The following TSPAN12 variants were observed in gnomAD, a reference collection of about 807,000 sequenced individuals.
The protein encoded by TSPAN12 is tetraspanin-12.
In TSPAN12, 19 loss-of-function variants were observed where a neutral mutation model predicts 39.2. That is an observed-to-expected ratio of 0.49 (90% CI 0.34 to 0.71). The LOEUF (loss-of-function observed/expected upper bound fraction) is 0.71, where lower values mean the gene tolerates loss of function less well. TSPAN12 is among the 30% of genes least tolerant of loss of function. The pLI is 0.01. For missense variants in TSPAN12, 314 were observed against 359.9 expected (o/e 0.87, Z 1.03); for synonymous variants, 119 against 124.8 (o/e 0.95, Z 0.31).
intron 2 of TSPAN12, among the ~76,000 whole-genome samples, chr7:120,854,625 G>C (rs1397853936): frequency 1.3e-5 from 2 of 152,126 alleles, no homozygotes; most frequent in Non-Finnish European, 2.9e-5. Context: ...TTTTGTTTTT[G>C]TTGTTGTTAT....
chr7:120,826,247 CT>C (rs1794283939), intron 4 of TSPAN12, among the ~76,000 whole-genome samples: 1 of 152,120 alleles, frequency 6.6e-6, no homozygotes, highest in Non-Finnish European at 1.5e-5. Flanking sequence ...GATGTTCAAA[CT>C]ACTAGACAGA....
At chr7:120,793,877 G>T (rs973616753) in intron 7 of TSPAN12, among the ~76,000 whole-genome samples, 1 of 152,106 alleles carries the variant, frequency 6.6e-6, no homozygotes, top group South Asian at 2.1e-4. Context: ...ATTTTTTCTC[G>T]ATAAAGTAGT....
At chr7:120,813,046 G>A (rs1031510248) in intron 5 of TSPAN12, among the ~76,000 whole-genome samples, 6 of 152,112 alleles carry the variant, frequency 3.9e-5, no homozygotes, top group Admixed American at 1.3e-4. Flanking sequence ...AGAAAACAGA[G>A]GAGACCATTG....
chr7:120,832,118 C>T (rs1794401430), intron 4 of TSPAN12, among the ~76,000 whole-genome samples: 1 of 151,952 alleles, frequency 6.6e-6, no homozygotes, highest in South Asian at 2.1e-4. Flanking sequence ...TCATGTAATG[C>T]TTTATCCATA....
At position 120,815,808 on chromosome 7, in the gene TSPAN12, A is replaced by G; in HGVS notation, c.286-5T>C. ...GACAAGCAAACTTCCAAAGTACTGT[A>G]GAAAAACAGAAAAGTATGCTGTTAT... On this transcript the variant is annotated splice_polypyrimidine_tract_variant and splice_region_variant and intron_variant, in intron 4 of 7. Coordinates refer to ENST00000222747, the MANE Select transcript of TSPAN12 (RefSeq NM_012338.4). 4 of 1,610,358 alleles carry G rather than the reference A, an allele frequency of 2.5e-6. No individual in the cohort carries two copies. The South Asian group carries it at 3.3e-5, about 13-fold the overall frequency.
Position 120,806,633 on chromosome 7 carries a change from C to T in TSPAN12, c.528G>A (p.Trp176Ter). The T allele has an allele frequency of 6.2e-7, 1 of 1,613,508 alleles. No homozygotes were observed. Among genetic ancestry groups the T allele is most frequent in the Non-Finnish European group, 8.5e-7 (1 of 1,179,624 alleles). The change falls in exon 7 of 8, where the codon TGG becomes TGA. Residue 176 changes from tryptophan (W) to a stop codon, truncating the protein, a stop_gained. Coordinates refer to ENST00000222747, the MANE Select transcript of TSPAN12 (RefSeq NM_012338.4). LOFTEE classifies it high-confidence loss of function. Reference protein sequence around the residue: ...TDWLEMTEMDWPPDSCCVREF... With the variant: ...TDWLEMTEMD ...CTCTAACACAGCAGGAATCTGGGGG[C>T]CAGTCCATCTCTGTCATTTCCAACC...
At chr7:120,829,752 G>A (rs919701961) in intron 4 of TSPAN12, among the ~76,000 whole-genome samples, 1 of 152,078 alleles carries the variant, frequency 6.6e-6, no homozygotes, top group Admixed American at 6.6e-5. Flanking sequence ...ACTCAGGACA[G>A]TCACCAAATC....
At chr7:120,840,681 T>C (rs1794560866) in intron 2 of TSPAN12, among the ~76,000 whole-genome samples, 2 of 152,198 alleles carry the variant, frequency 1.3e-5, no homozygotes, top group Non-Finnish European at 2.9e-5. Flanking sequence ...TTCTCTGGTC[T>C]TTGTAGAAAG....
chr7:120,837,913 C>A (rs1794509039), intron 4 of TSPAN12, among the ~76,000 whole-genome samples: 1 of 152,160 alleles, frequency 6.6e-6, no homozygotes, highest in Admixed American at 6.5e-5. Flanking sequence ...CGGAAATCCC[C>A]AAATGCTACA....
intron 7 of TSPAN12, among the ~76,000 whole-genome samples, chr7:120,793,732 CA>C (rs1422895516): frequency 2.0e-5 from 3 of 152,148 alleles, no homozygotes; most frequent in Non-Finnish European, 4.4e-5. Flanking sequence ...ACCAGGTCAC[CA>C]AAATATGCCA....
chr7:120,839,902 A>T (rs546567271), intron 3 of TSPAN12, 125 bp downstream of exon 3: 2 of 737,958 alleles, frequency 2.7e-6, no homozygotes, highest in African/African-American at 3.5e-5. Context: ...GTCTGTGACA[A>T]AGGTTGCTAT....
intron 4 of TSPAN12, among the ~76,000 whole-genome samples, chr7:120,829,157 A>G (rs1005075896): frequency 2.0e-5 from 3 of 152,176 alleles, no homozygotes; most frequent in African/African-American, 7.2e-5. Flanking sequence ...TTTAAATACA[A>G]TTTAAGTTAT....
chr7:120,798,599 C>T (rs888665225), intron 7 of TSPAN12, among the ~76,000 whole-genome samples: 3 of 152,158 alleles, frequency 2.0e-5, no homozygotes, highest in South Asian at 2.1e-4. Flanking sequence ...TATAGTAATG[C>T]CTCAAATTTG....
chr7:120,848,696 A>C (rs1370874796), intron 2 of TSPAN12, among the ~76,000 whole-genome samples: 2 of 152,178 alleles, frequency 1.3e-5, no homozygotes, highest in African/African-American at 4.8e-5. Context: ...AGTCAAAATA[A>C]ATAATAACAC....
At chr7:120,854,640 T>C (rs1228987112) in intron 2 of TSPAN12, among the ~76,000 whole-genome samples, 1 of 152,218 alleles carries the variant, frequency 6.6e-6, no homozygotes, top group East Asian at 1.9e-4. Flanking sequence ...TGTTATCACA[T>C]ACTTTTTTAC....
chr7:120,828,313 TG>T (rs1426784762), intron 4 of TSPAN12, among the ~76,000 whole-genome samples: 1 of 152,224 alleles, frequency 6.6e-6, no homozygotes, highest in Non-Finnish European at 1.5e-5. Context: ...GAACAGATCG[TG>T]CTTCTGCTCA....
chr7:120,805,689 A>T (rs1047055843), intron 7 of TSPAN12, among the ~76,000 whole-genome samples: 1 of 152,058 alleles, frequency 6.6e-6, no homozygotes, highest in Non-Finnish European at 1.5e-5. Flanking sequence ...TGATGATAGA[A>T]ATGTCTTACA....
intron 7 of TSPAN12, 109 bp from the exon 8 acceptor site, chr7:120,789,006 G>A (rs753698643): frequency 2.6e-5 from 30 of 1,138,764 alleles, no homozygotes; most frequent in Non-Finnish European, 3.7e-5. Flanking sequence ...GACTAACTGG[G>A]ATCATAAAGT....
intron 2 of TSPAN12, among the ~76,000 whole-genome samples, chr7:120,847,755 T>C (rs1794699960): frequency 6.6e-6 from 1 of 152,208 alleles, no homozygotes. Context: ...AATAGAACTC[T>C]TCAGCTCACA....
Sources: gnomAD v4.1 joint callset for allele counts (sites outside exome capture counted in the v4.1 genomes callset) on GRCh38, gnomAD v4.1.1 for gene constraint, MANE v1.5 for transcripts, NCBI Gene and HGNC (gene_info 2026-07-23, HGNC 2026-07-21) for gene names.